PPARGC1A: variants seen among roughly 807,000 people sequenced by gnomAD.
PPARGC1A encodes the protein peroxisome proliferator-activated receptor gamma coactivator 1-alpha.
PPARGC1A carries 25 observed loss-of-function variants against 88.7 expected under a neutral mutation model. The observed-to-expected ratio is 0.28, with a 90% confidence interval of 0.21 to 0.39. The LOEUF (loss-of-function observed/expected upper bound fraction) is 0.39. Ranked by LOEUF, PPARGC1A falls within the 10% of genes least tolerant of loss-of-function variation. The pLI is 1.00. For missense variants in PPARGC1A, 880 were observed against 968.7 expected, an observed-to-expected ratio of 0.91 and a Z score of 1.22; for synonymous variants, 363 against 355.6, an observed-to-expected ratio of 1.02 and a Z score of -0.24.
At chr4:23,834,800 C>T (rs1166553169) in intron 2 of PPARGC1A, among the ~76,000 whole-genome samples, 1 of 152,120 alleles carries the variant, frequency 6.6e-6, no homozygotes, top group Non-Finnish European at 1.5e-5. Flanking sequence ...TAACTCCCTT[C>T]TTTGATTCCC....
the PPARGC1A span, among the ~76,000 whole-genome samples, chr4:24,462,306 A>T: frequency 6.7e-6 from 1 of 149,090 alleles, no homozygotes; most frequent in African/African-American, 2.5e-5. Context: ...CTTGTTAGTC[A>T]GGCTGGTCTC....
the PPARGC1A span, among the ~76,000 whole-genome samples, chr4:24,173,417 C>A: frequency 6.6e-6 from 1 of 151,620 alleles, no homozygotes; most frequent in East Asian, 1.9e-4. Flanking sequence ...TGAACTACAG[C>A]CAGGCATGGA....
chr4:24,361,405 G>T, the PPARGC1A span, among the ~76,000 whole-genome samples: 1 of 152,154 alleles, frequency 6.6e-6, no homozygotes, highest in Non-Finnish European at 1.5e-5. Context: ...CTGAAATGAA[G>T]ACTTTGTTTT....
the PPARGC1A span, among the ~76,000 whole-genome samples, chr4:24,140,617 A>T: frequency 2.0e-5 from 3 of 152,220 alleles, no homozygotes; most frequent in Non-Finnish European, 2.9e-5. Flanking sequence ...GCTGAATTAT[A>T]TGACAGTGGC....
chr4:24,266,118 A>G, the PPARGC1A span, among the ~76,000 whole-genome samples: 1 of 152,190 alleles, frequency 6.6e-6, no homozygotes, highest in Non-Finnish European at 1.5e-5. Context: ...GAGATGCCGG[A>G]GTTATTTTTG....
the PPARGC1A span, among the ~76,000 whole-genome samples, chr4:24,123,115 C>A: frequency 1.5e-4 from 23 of 152,112 alleles, no homozygotes; most frequent in African/African-American, 5.6e-4. Flanking sequence ...TTCTCCCAAC[C>A]CAATTGCTCC....
At chr4:23,936,966 A>G in the PPARGC1A span, among the ~76,000 whole-genome samples, 1 of 152,118 alleles carries the variant, frequency 6.6e-6, no homozygotes, top group South Asian at 2.1e-4. Flanking sequence ...TGTACTGAAC[A>G]TGACAGGCAT....
At chr4:23,892,441 A>ATTTT (rs5856798), upstream of PPARGC1A, among the ~76,000 whole-genome samples, 21 of 150,388 alleles carry the variant, frequency 1.4e-4, no homozygotes, top group Non-Finnish European at 2.5e-4. Flanking sequence ...TTTCCACGAT[A>ATTTT]TTTTTTTTTT....
chr4:24,122,336 C>G, the PPARGC1A span, among the ~76,000 whole-genome samples: 2 of 151,200 alleles, frequency 1.3e-5, no homozygotes, highest in Non-Finnish European at 1.5e-5. Context: ...GGAAGGTGCT[C>G]TAACTTCTTA....
At chr4:24,251,972 T>TTTATTACTAATATCATTACTAATA in the PPARGC1A span, among the ~76,000 whole-genome samples, 1 of 152,212 alleles carries the variant, frequency 6.6e-6, no homozygotes, top group South Asian at 2.1e-4. Flanking sequence ...CTAATAGTAC[T>TTTATTACTAATATCATTACTAATA]TTATTACTAA....
the PPARGC1A span, among the ~76,000 whole-genome samples, chr4:24,087,491 C>G: frequency 1.4e-4 from 21 of 152,296 alleles, no homozygotes; most frequent in East Asian, 3.9e-3. Context: ...AAATCATTAT[C>G]CAGACATGAG....
the PPARGC1A span, among the ~76,000 whole-genome samples, chr4:24,226,276 G>A: frequency 6.6e-6 from 1 of 152,322 alleles, no homozygotes; most frequent in Non-Finnish European, 1.5e-5. Flanking sequence ...ACAGCTCAGA[G>A]GCACCCAGCC....
chr4:24,019,609 C>T, the PPARGC1A span, among the ~76,000 whole-genome samples: 1 of 152,152 alleles, frequency 6.6e-6, no homozygotes, highest in South Asian at 2.1e-4. Context: ...TTGAGTTTTC[C>T]CAGCACTGTC....
chr4:24,143,153 G>T, the PPARGC1A span, among the ~76,000 whole-genome samples: 1 of 152,148 alleles, frequency 6.6e-6, no homozygotes, highest in African/African-American at 2.4e-5. Context: ...GGGTAAAGGA[G>T]AATTATGAAG....
At chr4:24,405,779 T>A in the PPARGC1A span, among the ~76,000 whole-genome samples, 14 of 152,268 alleles carry the variant, frequency 9.2e-5, no homozygotes, top group African/African-American at 2.6e-4. Flanking sequence ...CAACAATGAT[T>A]TATTCAACTC....
chr4:24,152,572 T>C, the PPARGC1A span, among the ~76,000 whole-genome samples: 41 of 152,322 alleles, frequency 2.7e-4, no homozygotes, highest in African/African-American at 9.4e-4. Context: ...ACATGAAATG[T>C]GACAGAGCCT....
the PPARGC1A span, among the ~76,000 whole-genome samples, chr4:23,980,649 C>G: frequency 3.3e-5 from 5 of 152,060 alleles, no homozygotes; most frequent in Non-Finnish European, 7.4e-5. Flanking sequence ...GAGCAATGCC[C>G]AAATGTCATT....
chr4:24,271,631 C>T, the PPARGC1A span, among the ~76,000 whole-genome samples: 13 of 152,138 alleles, frequency 8.5e-5, no homozygotes, highest in East Asian at 7.7e-4. Context: ...CCCACCTCAG[C>T]CTCCCAAAGT....
At chr4:24,470,636 C>A in the PPARGC1A span, among the ~76,000 whole-genome samples, 1 of 151,998 alleles carries the variant, frequency 6.6e-6, no homozygotes. The surrounding 1 kb of genome is among the most constrained non-coding windows in gnomAD (Gnocchi z 5.8). Flanking sequence ...CACCGCGAAT[C>A]CTCACTCCGC....
Sources: gnomAD v4.1 joint callset for allele counts (sites outside exome capture counted in the v4.1 genomes callset) on GRCh38, gnomAD v4.1.1 for gene constraint, Gnocchi (gnomAD v3.1) non-coding constraint, MANE v1.5 for transcripts, NCBI Gene and HGNC (gene_info 2026-07-23, HGNC 2026-07-21) for gene names.